FBN1: variants seen among roughly 807,000 people sequenced by gnomAD.
The protein encoded by FBN1 is fibrillin 1, also known as fibrillin-1.
A neutral mutation model predicts 365.1 loss-of-function variants in FBN1; 29 were observed. The ratio of observed to expected loss-of-function variants is 0.08; its 90% CI spans 0.06 to 0.11. The LOEUF is 0.11. Ranked by LOEUF, FBN1 falls within the 10% of genes least tolerant of loss-of-function variation. The probability of loss-of-function intolerance (pLI) is 1.00; values close to 1 mark genes in which losing one functional copy is unlikely to be tolerated. For missense variants in FBN1, 2,476 were observed against 3,703.2 expected (o/e 0.67, Z 8.60); for synonymous variants, 1,210 against 1,270.5 (o/e 0.95, Z 1.01).
chr15:48,644,825 G>C lies in FBN1; in HGVS notation c.-56C>G. ...TCTTGCCGCGCCCGGGGCTCGGTCT[G>C]CGGCCGCCGCTGCGCCCTGAAGCGC... On this transcript the variant is annotated 5_prime_UTR_variant, in exon 2 of 66. Coordinates refer to ENST00000316623, the MANE Select transcript of FBN1 (RefSeq NM_000138.5). 2 of 1,550,590 alleles carry C rather than the reference G, an allele frequency of 1.3e-6. No individual in the cohort carries two copies. Among genetic ancestry groups the C allele is most frequent in the South Asian group, 2.3e-5 (2 of 87,398 alleles).
intron 6 of FBN1, among the ~76,000 whole-genome samples, chr15:48,587,168 C>T (rs2044443285): frequency 6.6e-6 from 1 of 152,112 alleles, no homozygotes; most frequent in African/African-American, 2.4e-5. Flanking sequence ...TGTATTTGTC[C>T]AACATATGTT....
At chr15:48,606,193 A>G (rs1207067851) in intron 4 of FBN1, among the ~76,000 whole-genome samples, 1 of 152,226 alleles carries the variant, frequency 6.6e-6, no homozygotes, top group Non-Finnish European at 1.5e-5. Context: ...TAAACATGAA[A>G]CTATCATACA....
At chr15:48,490,272 T>C (rs1286616303) in intron 24 of FBN1, among the ~76,000 whole-genome samples, 194 bp from the exon 25 acceptor site, 1 of 152,194 alleles carries the variant, frequency 6.6e-6, no homozygotes, top group Non-Finnish European at 1.5e-5. Context: ...ACTCTCTTTG[T>C]CAGCCCATGT....
intron 24 of FBN1, 65 bp from the exon 25 acceptor site, chr15:48,490,143 C>T: frequency 7.5e-7 from 1 of 1,342,080 alleles, no homozygotes; most frequent in Non-Finnish European, 1.1e-6. Context: ...AAACTGCCAA[C>T]ACTCTGTTAG....
At chr15:48,611,548 C>A (rs1406561908) in intron 3 of FBN1, among the ~76,000 whole-genome samples, 1 of 152,228 alleles carries the variant, frequency 6.6e-6, no homozygotes, top group East Asian at 1.9e-4. Flanking sequence ...GCGTAAACCA[C>A]CGCGTCCAGC....
intron 32 of FBN1, among the ~76,000 whole-genome samples, 164 bp from the exon 33 acceptor site, chr15:48,474,814 A>G (rs2043406909): frequency 6.6e-6 from 1 of 152,232 alleles, no homozygotes; most frequent in South Asian, 2.1e-4. Context: ...ACAGCTTTAA[A>G]TTTCAAATTA....
chr15:48,603,380 T>C (rs1405790386), intron 4 of FBN1, among the ~76,000 whole-genome samples: 2 of 152,110 alleles, frequency 1.3e-5, no homozygotes, highest in Admixed American at 6.6e-5. Flanking sequence ...CTGTATTCGT[T>C]GTGAGTCTTA....
At chr15:48,568,812 C>T (rs1411221105) in intron 6 of FBN1, among the ~76,000 whole-genome samples, 1 of 151,948 alleles carries the variant, frequency 6.6e-6, no homozygotes, top group East Asian at 1.9e-4. Flanking sequence ...ACAGTTGACC[C>T]TCACCTCACA....
At chr15:48,563,046 G>A (rs993608681) in intron 6 of FBN1, among the ~76,000 whole-genome samples, 2 of 152,150 alleles carry the variant, frequency 1.3e-5, no homozygotes, top group African/African-American at 2.4e-5. Context: ...ATAGATACAT[G>A]AGAGACAGTG....
chr15:48,421,596 C>A lies in FBN1; in HGVS notation c.7661G>T (p.Arg2554Leu). 6.2e-7 allele frequency: 1 copy of A among 1,613,684 alleles called. No individual in the cohort carries two copies. The highest frequency in any genetic ancestry group is 8.5e-7 in the Non-Finnish European group (1 of 1,179,928). ...TPGSFTCECQ[R>L]GFSLDQTGSS... is the part of the protein sequence containing the mutation. Reference sequence around the variant, plus strand: ...GCCGGTCTGATCAAGTGAGAATCCCCGCTGGCATTCACAGGTGAAGCTTCC... The same window carrying A: ...GCCGGTCTGATCAAGTGAGAATCCCAGCTGGCATTCACAGGTGAAGCTTCC... Residue 2554 changes from arginine to leucine, a missense_variant, in exon 62 of 66, where the codon CGG (arginine) becomes CTG (leucine). Transcript: ENST00000316623.
At chr15:48,443,486 T>C (rs2043131978) in intron 49 of FBN1, among the ~76,000 whole-genome samples, 1 of 152,146 alleles carries the variant, frequency 6.6e-6, no homozygotes, top group Non-Finnish European at 1.5e-5. Flanking sequence ...AAGCCAATTT[T>C]TAATAAAAGT....
intron 49 of FBN1, among the ~76,000 whole-genome samples, chr15:48,443,968 C>T (rs955897575): frequency 6.6e-6 from 1 of 152,110 alleles, no homozygotes; most frequent in Non-Finnish European, 1.5e-5. Flanking sequence ...GGAGTTCAAG[C>T]TTACAGTGAG....
intron 63 of FBN1, among the ~76,000 whole-genome samples, chr15:48,416,920 T>C (rs2042906943): frequency 6.6e-6 from 1 of 152,168 alleles, no homozygotes; most frequent in Non-Finnish European, 1.5e-5. Context: ...TATTTTATGA[T>C]AGATAGGATA....
At chr15:48,580,111 T>C (rs1328528132) in intron 6 of FBN1, among the ~76,000 whole-genome samples, 2 of 152,124 alleles carry the variant, frequency 1.3e-5, no homozygotes, top group African/African-American at 4.8e-5. Flanking sequence ...CATTTTCTTT[T>C]CCTTCCTTGT....
rs368987372 is a variant in FBN1 at position 48,603,611 on chromosome 15, T to C, written c.347-3377A>G. Among the ~76,000 whole-genome samples, 7 of 152,340 alleles carry C rather than the reference T, an allele frequency of 4.6e-5. No individual in the cohort carries two copies. In the South Asian group the frequency reaches 1.5e-3, roughly 32 times the overall value. On this transcript the variant is annotated intron_variant, in intron 4 of 65. Transcript: ENST00000316623. The stretch of plus-strand genomic sequence containing the variant: ...AACAAGAATTCTAGATGTATCATAA[T>C]TAGGAGACCAAGTTCTACGTCTCTT...
At chr15:48,487,478 T>C in intron 27 of FBN1, 41 bp from the exon 28 acceptor site, 1 of 1,609,768 alleles carries the variant, frequency 6.2e-7, no homozygotes, top group Non-Finnish European at 8.5e-7. Context: ...GGGGGCCTCA[T>C]CTCCTCCACC....
chr15:48,495,040 T>C lies in FBN1; in HGVS notation c.2677+83A>G, dbSNP rs2043592786. 6 of 1,534,882 alleles carry C rather than the reference T, an allele frequency of 3.9e-6. No individual in the cohort carries two copies. In the South Asian group the frequency reaches 4.5e-5, roughly 12 times the overall value. On this transcript the variant is annotated intron_variant, in intron 22 of 65. Transcript: ENST00000316623. ...ATCTTTGAAAATTCTCATGTGAGCC[T>C]AGATAAATGAAATACTAGGCTTCCC...
rs2141315721 is a variant in FBN1 at position 48,503,815 on chromosome 15, A to G, written c.2085T>C (p.Pro695=). The G allele has an allele frequency of 6.2e-7, 1 of 1,614,088 alleles. No homozygotes were observed. Among genetic ancestry groups the G allele is most frequent in the Non-Finnish European group, 8.5e-7 (1 of 1,179,976 alleles). The change falls in exon 17 of 66, where the codon CCT becomes CCC. Residue 695 remains proline (P), a synonymous_variant. Coordinates refer to ENST00000316623, the MANE Select transcript of FBN1 (RefSeq NM_000138.5). ...AATTCTGTGCAGGACACGGCTGGCA[A>G]GGTTCCCCAAATGCATACTCAGTGC... is the stretch of plus-strand genomic sequence containing the variant. ...CASTEYAFGE[P]CQPCPAQNSA...
intron 8 of FBN1, among the ~76,000 whole-genome samples, chr15:48,528,305 C>T (rs2043934010): frequency 6.6e-6 from 1 of 152,136 alleles, no homozygotes; most frequent in Non-Finnish European, 1.5e-5. Context: ...ACATCTTTTC[C>T]ATGCTGGCTG....
Sources: allele counts gnomAD v4.1 joint callset (sites outside exome capture counted in the v4.1 genomes callset), GRCh38; gene constraint gnomAD v4.1.1; transcripts MANE v1.5; gene names NCBI Gene and HGNC (gene_info 2026-07-23, HGNC 2026-07-21).